The following MCF2L variants were observed in gnomAD, a reference collection of about 807,000 sequenced individuals.
The protein encoded by MCF2L is guanine nucleotide exchange factor DBS.
A neutral mutation model predicts 153.4 loss-of-function variants in MCF2L; 97 were observed. The observed-to-expected ratio is 0.63, with a 90% confidence interval of 0.54 to 0.75. The LOEUF (loss-of-function observed/expected upper bound fraction) is 0.75. MCF2L is among the 30% of genes least tolerant of loss of function. The pLI is 0.00. For synonymous variants in MCF2L, 659 were observed against 632.2 expected (o/e 1.04, Z -0.64); for missense variants, 1,347 against 1,495.2 (o/e 0.90, Z 1.64).
At chr13:112,918,217 G>A (rs2081315543) in intron 2 of MCF2L, among the ~76,000 whole-genome samples, 1 of 152,218 alleles carries the variant, frequency 6.6e-6, no homozygotes, top group Admixed American at 6.5e-5. Flanking sequence ...CTGAGCGCAT[G>A]TTAGGGATGA....
intron 1 of MCF2L, among the ~76,000 whole-genome samples, chr13:112,984,655 C>T (rs950454942): frequency 6.6e-6 from 1 of 152,168 alleles, no homozygotes; most frequent in Non-Finnish European, 1.5e-5. Flanking sequence ...GTGATCTCAG[C>T]GGAATTCCCC....
At chr13:112,989,588 C>G (rs530915337) in intron 1 of MCF2L, among the ~76,000 whole-genome samples, 5 of 20,442 alleles carry the variant, frequency 2.4e-4, no homozygotes, top group Non-Finnish European at 1.3e-3. Context: ...AGCTACCACG[C>G]CCGAGTCCTC....
At chr13:112,988,240 T>G (rs79856204) in intron 1 of MCF2L, among the ~76,000 whole-genome samples, 1 of 145,604 alleles carries the variant, frequency 6.9e-6, no homozygotes, top group African/African-American at 2.5e-5. Flanking sequence ...GTCTACTGTG[T>G]TTTTTTTTTT....
chr13:112,907,874 CATCTT>C lies in MCF2L; in HGVS notation c.169+5504_169+5508del, dbSNP rs1280079037. Among the ~76,000 whole-genome samples, 1 of 152,194 alleles carries C rather than the reference CATCTT, an allele frequency of 6.6e-6. No individual in the cohort carries two copies. The highest frequency in any genetic ancestry group is 1.5e-5 in the Non-Finnish European group (1 of 68,044). On this transcript the variant is annotated intron_variant, in intron 2 of 29. Transcript: ENST00000375608. This position sits in a 1 kb window ranked among gnomAD's most constrained non-coding sequence, Gnocchi z 5.1. ...ATGAGCACCCACTGCTCCCTCCACT[CATCTT>C]TTCTTTATAGTTCTGAGTCTCGAGT... is the stretch of plus-strand genomic sequence containing the variant.
chr13:112,962,011 A>T (rs2081833217), intron 2 of MCF2L, among the ~76,000 whole-genome samples: 2 of 151,606 alleles, frequency 1.3e-5, no homozygotes, highest in Non-Finnish European at 2.9e-5. Flanking sequence ...AAACACGCTT[A>T]CACATGGGCT....
At chr13:112,976,553 G>T (rs1448740562) in intron 1 of MCF2L, among the ~76,000 whole-genome samples, 3 of 152,204 alleles carry the variant, frequency 2.0e-5, no homozygotes, top group Non-Finnish European at 4.4e-5. Context: ...GGGCGGCAAG[G>T]CTGTGGCGGA....
chr13:113,043,869 T>C (rs1490087920), intron 3 of MCF2L: 2 of 152,448 alleles, frequency 1.3e-5, no homozygotes, highest in African/African-American at 4.8e-5. Flanking sequence ...AGCTAATCTT[T>C]GTATTTTTCA....
At chr13:113,044,702 C>T (rs568986806) in intron 3 of MCF2L, 71 of 1,612,798 alleles carry the variant, frequency 4.4e-5, no homozygotes, top group Non-Finnish European at 5.8e-5. Flanking sequence ...TTATACAACG[C>T]GCAAGTGTGG....
chr13:113,014,925 GC>G, intron 2 of MCF2L, 79 bp downstream of exon 2: 1 of 1,334,808 alleles, frequency 7.5e-7, no homozygotes, highest in African/African-American at 1.4e-5. Context: ...CCGTGGCCTG[GC>G]CCAGGCTGGA....
At chr13:113,033,821 T>C (rs1182517407) in intron 3 of MCF2L, 1 of 167,036 alleles carries the variant, frequency 6.0e-6, no homozygotes, top group African/African-American at 2.4e-5. Context: ...GTCTGTGCGC[T>C]GTGCTGGGTG....
chr13:113,092,009 C>T (rs1210631773), intron 26 of MCF2L, among the ~76,000 whole-genome samples: 1 of 152,230 alleles, frequency 6.6e-6, no homozygotes, highest in African/African-American at 2.4e-5. Context: ...GCTGGCCCGG[C>T]GTTACTGACT....
In MCF2L at chr13:112,960,387, C is replaced by T. The variant is rs558766274; in HGVS notation, c.170-54376C>T. The stretch of plus-strand genomic sequence containing the variant: ...TCTTCTTAGGCCCCATGTCCCAGCA[C>T]GGCGGCATTGGGGGTGAGGTTTCCC... On this transcript the variant is annotated intron_variant, in intron 2 of 29. Coordinates refer to the MCF2L transcript ENST00000375608. The surrounding 1 kb of genome is among the most constrained non-coding windows in gnomAD (Gnocchi z 4.2). 1.3e-5 allele frequency among the ~76,000 whole-genome samples: 2 copies of T among 152,324 alleles called. No homozygotes were observed. Among genetic ancestry groups the T allele is most frequent in the Non-Finnish European group, 1.5e-5 (1 of 68,028 alleles).
At chr13:113,086,609 C>A (rs574614562) in intron 21 of MCF2L, among the ~76,000 whole-genome samples, 1 of 152,276 alleles carries the variant, frequency 6.6e-6, no homozygotes, top group South Asian at 2.1e-4. Flanking sequence ...TTCTGGGCTG[C>A]GATTTGCAGG....
chr13:112,917,887 C>G (rs9549318), intron 2 of MCF2L, among the ~76,000 whole-genome samples: 138,435 of 152,236 alleles, frequency 0.91, 62,998 homozygotes, highest in East Asian at 0.94. Context: ...CACCTGCCCA[C>G]CCCCCTGCTC....
intron 2 of MCF2L, among the ~76,000 whole-genome samples, chr13:112,945,993 AC>A (rs2081633436): frequency 6.6e-6 from 1 of 152,092 alleles, no homozygotes; most frequent in Non-Finnish European, 1.5e-5. Context: ...CAGACCGGAA[AC>A]CTGAGCTCAT....
chr13:113,090,922 G>T, intron 26 of MCF2L: 1 of 1,188,466 alleles, frequency 8.4e-7, no homozygotes, highest in Non-Finnish European at 1.1e-6. Flanking sequence ...CCACTCCCAT[G>T]CCCTCCCGGC....
intron 1 of MCF2L, among the ~76,000 whole-genome samples, chr13:112,990,076 AC>A (rs1321333398): frequency 1.3e-5 from 2 of 151,980 alleles, no homozygotes; most frequent in Admixed American, 1.3e-4. Context: ...CCTCCTGCTT[AC>A]CCCCTGTTCA....
intron 2 of MCF2L, among the ~76,000 whole-genome samples, chr13:112,919,268 G>C (rs1187773030): frequency 1.2e-3 from 170 of 146,996 alleles, no homozygotes; most frequent in Non-Finnish European, 2.0e-3. Flanking sequence ...TGCAGTGGCG[G>C]GATCTCGGCT....
upstream of MCF2L, chr13:112,968,599 C>G: frequency 2.6e-6 from 4 of 1,535,336 alleles, 1 homozygote; most frequent in South Asian, 2.4e-5. Context: ...ATGGACCCAG[C>G]GACCCACGGA....
Sources: gnomAD v4.1 joint callset for allele counts (sites outside exome capture counted in the v4.1 genomes callset) on GRCh38, gnomAD v4.1.1 for gene constraint, Gnocchi (gnomAD v3.1) non-coding constraint, MANE v1.5 for transcripts, NCBI Gene and HGNC (gene_info 2026-07-23, HGNC 2026-07-21) for gene names.